Variants in ATF2 observed in about 807,000 individuals in gnomAD.
The protein encoded by ATF2 is cyclic AMP-dependent transcription factor ATF-2.
ATF2 carries 24 observed loss-of-function variants against 60.6 expected under a neutral mutation model. The observed-to-expected ratio is 0.40, with a 90% CI of 0.29 to 0.56. ATF2 has a LOEUF of 0.56. Ranked by LOEUF, ATF2 falls within the 20% of genes least tolerant of loss-of-function variation. The probability of loss-of-function intolerance (pLI) is 0.54; values close to 1 mark genes in which losing one functional copy is unlikely to be tolerated. For missense variants in ATF2, 433 were observed against 607.7 expected, an observed-to-expected ratio of 0.71 and a Z score of 3.02; for synonymous variants, 206 against 215.4, an observed-to-expected ratio of 0.96 and a Z score of 0.38.
At chr2:175,079,004 T>G (rs889767015) in intron 13 of ATF2, among the ~76,000 whole-genome samples, 3 of 152,130 alleles carry the variant, frequency 2.0e-5, no homozygotes, top group Admixed American at 6.6e-5. Context: ...AACAAACATA[T>G]CCTATTCATT....
At chr2:175,131,302 A>G (rs1234905319) in intron 3 of ATF2, among the ~76,000 whole-genome samples, 1 of 152,238 alleles carries the variant, frequency 6.6e-6, no homozygotes, top group Non-Finnish European at 1.5e-5. Flanking sequence ...CTTGAAAGTC[A>G]TCATTCCTGT....
At chr2:175,116,729 T>C (rs1696597561) in intron 7 of ATF2, among the ~76,000 whole-genome samples, 1 of 151,404 alleles carries the variant, frequency 6.6e-6, no homozygotes, top group Non-Finnish European at 1.5e-5. Flanking sequence ...AAAGAAGGAA[T>C]ACTCCTAAAA....
chr2:175,094,088 T>C (rs1360369777), intron 11 of ATF2, among the ~76,000 whole-genome samples: 1 of 152,074 alleles, frequency 6.6e-6, no homozygotes, highest in Non-Finnish European at 1.5e-5. Context: ...CAAATGAATA[T>C]GGGTGTCAAA....
At chr2:175,157,566 G>A (rs543246019) in intron 1 of ATF2, among the ~76,000 whole-genome samples, 1 of 152,140 alleles carries the variant, frequency 6.6e-6, no homozygotes, top group African/African-American at 2.4e-5. Flanking sequence ...CCTATTGATT[G>A]GTTGATGATT....
intron 12 of ATF2, among the ~76,000 whole-genome samples, chr2:175,082,146 C>T (rs1693802605): frequency 6.6e-6 from 1 of 152,102 alleles, no homozygotes; most frequent in South Asian, 2.1e-4. Context: ...AAAAGTTAAG[C>T]AATCTAAAGG....
At chr2:175,080,626 A>AGC in intron 13 of ATF2, 34 bp downstream of exon 13, 1 of 1,541,376 alleles carries the variant, frequency 6.5e-7, no homozygotes, top group Non-Finnish European at 8.9e-7. Context: ...TCACTGACGT[A>AGC]GCCTAAGGCT....
chr2:175,081,717 A>T (rs911983310), intron 12 of ATF2, among the ~76,000 whole-genome samples: 4 of 152,228 alleles, frequency 2.6e-5, no homozygotes, highest in African/African-American at 9.6e-5. Flanking sequence ...CTGAGGCATG[A>T]CATTTTCTAC....
chr2:175,139,697 T>G (rs994866531), intron 2 of ATF2, among the ~76,000 whole-genome samples: 2 of 143,818 alleles, frequency 1.4e-5, no homozygotes, highest in African/African-American at 5.1e-5. Context: ...AAGAAAGAAA[T>G]AGATTACATT....
intron 13 of ATF2, among the ~76,000 whole-genome samples, chr2:175,077,058 T>C (rs1183675570): frequency 6.6e-6 from 1 of 151,762 alleles, no homozygotes; most frequent in Non-Finnish European, 1.5e-5. Context: ...TTTGGTTTTT[T>C]GTCCTTGCAA....
chr2:175,142,826 A>AAG (rs144720704), intron 2 of ATF2, among the ~76,000 whole-genome samples: 14,148 of 146,876 alleles, frequency 0.096, 869 homozygotes, highest in African/African-American at 0.19. Flanking sequence ...GCGAGCGAGC[A>AAG]AGAGAGAGAG....
At chr2:175,097,036 C>T (rs1477267750) in intron 11 of ATF2, among the ~76,000 whole-genome samples, 1 of 152,132 alleles carries the variant, frequency 6.6e-6, no homozygotes, top group African/African-American at 2.4e-5. Flanking sequence ...ATTCTTCTCA[C>T]TATAAGGTTC....
At chr2:175,097,678 G>A in intron 10 of ATF2, 85 bp from the exon 11 acceptor site, 2 of 1,463,966 alleles carry the variant, frequency 1.4e-6, no homozygotes, top group Admixed American at 2.1e-5. Flanking sequence ...AGCACCTTGG[G>A]TAGTTTCCCT....
intron 4 of ATF2, among the ~76,000 whole-genome samples, chr2:175,123,333 T>A (rs1395056959): frequency 1.3e-5 from 2 of 152,064 alleles, no homozygotes; most frequent in Non-Finnish European, 2.9e-5. Flanking sequence ...ACTAAAAGCA[T>A]CTGAAAGTAA....
intron 10 of ATF2, 106 bp from the exon 11 acceptor site, chr2:175,097,699 G>T: frequency 8.5e-7 from 1 of 1,179,932 alleles, no homozygotes; most frequent in Non-Finnish European, 1.2e-6. Flanking sequence ...GAGTCCTTTT[G>T]CCTAGTACTA....
chr2:175,136,607 A>G, intron 2 of ATF2, 121 bp from the exon 3 acceptor site: 1 of 631,742 alleles, frequency 1.6e-6, no homozygotes. Context: ...ACTAGTCACT[A>G]TTAACAATTT....
rs978452091 is a variant in ATF2, at chr2:175,074,271, A to G, written c.*338T>C. On this transcript the variant is annotated 3_prime_UTR_variant, in exon 14 of 14. Coordinates refer to ENST00000264110, the MANE Select transcript of ATF2 (RefSeq NM_001880.4). ...GTGGTCAAAAGAAATGGAAGTGGGA[A>G]GAAAGATTCAGTAACACCCCCATTT... is the stretch of plus-strand genomic sequence containing the variant. 1.8e-4 allele frequency: 34 copies of G among 184,674 alleles called. No homozygotes were observed. The highest frequency in any genetic ancestry group is 3.4e-4 in the Non-Finnish European group (30 of 88,080). 11.4% of individuals were successfully genotyped at this position (184,674 alleles called of 1,614,324 possible).
At chr2:175,144,450 G>A (rs1287277802) in intron 2 of ATF2, among the ~76,000 whole-genome samples, 3 of 152,286 alleles carry the variant, frequency 2.0e-5, no homozygotes, top group East Asian at 1.9e-4. Flanking sequence ...AATAAGAAAA[G>A]AGAATAATAA....
intron 1 of ATF2, among the ~76,000 whole-genome samples, chr2:175,162,929 C>T (rs1326256088): frequency 6.6e-6 from 1 of 151,926 alleles, no homozygotes; most frequent in Admixed American, 6.6e-5. Context: ...GTCAGAAGAT[C>T]GAGACCATCC....
In ATF2 at chr2:175,167,562, T is replaced by C. The variant is rs190987222; in HGVS notation, c.-143+488A>G. On this transcript the variant is annotated intron_variant, in intron 1 of 13. Transcript: ENST00000264110. The stretch of plus-strand genomic sequence containing the variant: ...TCCTCCTCCCCGCCACCATCACCAA[T>C]ACACGGTCCTCAATCGCTTGAATAC... 141 of 466,616 alleles carry C rather than the reference T, an allele frequency of 3.0e-4. 1 individual carries two copies. Among genetic ancestry groups the C allele is most frequent in the Middle Eastern group, 1.7e-3 (4 of 2,418 alleles). The allele number at this position is 466,616 out of a possible 1,614,324, so 28.9% of individuals were successfully genotyped here. A position where few individuals can be genotyped will look rare whatever the true frequency, so the allele number is the denominator to read the frequency against.
Sources: gnomAD v4.1 joint callset for allele counts (sites outside exome capture counted in the v4.1 genomes callset) on GRCh38, gnomAD v4.1.1 for gene constraint, MANE v1.5 for transcripts, NCBI Gene and HGNC (gene_info 2026-07-23, HGNC 2026-07-21) for gene names.